ORC4: variants seen among roughly 807,000 people sequenced by gnomAD.
ORC4 encodes the protein origin recognition complex, subunit 4 homolog.
In ORC4, 55 loss-of-function variants were observed where a neutral mutation model predicts 63.9. That is an observed-to-expected ratio of 0.86 (90% CI 0.69 to 1.08). ORC4 has a LOEUF of 1.08. Among genes scored for constraint, ORC4 ranks in the 50% least tolerant of loss-of-function variants. ORC4 has a pLI of 0.00. For missense variants in ORC4, 511 were observed against 504.4 expected, an observed-to-expected ratio of 1.01 and a Z score of -0.13; for synonymous variants, 150 against 168.5, an observed-to-expected ratio of 0.89 and a Z score of 0.85.
At chr2:147,959,352 C>T (rs938722337) in intron 4 of ORC4, among the ~76,000 whole-genome samples, 6 of 141,718 alleles carry the variant, frequency 4.2e-5, no homozygotes, top group African/African-American at 1.5e-4. Flanking sequence ...TTCATATTAC[C>T]AATGCATTCT....
rs139554215 is a variant in ORC4 at position 147,989,071 on chromosome 2, A to G, written c.-17-13096T>C. On this transcript the variant is annotated intron_variant, in intron 1 of 13. Coordinates refer to ENST00000392857, the MANE Select transcript of ORC4 (RefSeq NM_181741.4). ...AAGAAGTTGAGGCAAAATTAATAAC[A>G]TACATAGAGAGTTCATTTGAGCCAA... Among the ~76,000 whole-genome samples the G allele has an allele frequency of 4.5e-3, 689 of 152,370 alleles. 12 individuals are homozygous for G. The highest frequency in any genetic ancestry group is 0.03 in the Admixed American group (461 of 15,308).
intron 1 of ORC4, among the ~76,000 whole-genome samples, chr2:147,989,574 C>T (rs1691448051): frequency 6.6e-6 from 1 of 151,988 alleles, no homozygotes; most frequent in African/African-American, 2.4e-5. Flanking sequence ...GGTGTGGTGG[C>T]ACGTGCCTGT....
chr2:148,009,054 G>A lies in ORC4; in HGVS notation c.-18+11579C>T, dbSNP rs563748605. 3.9e-4 allele frequency among the ~76,000 whole-genome samples: 59 copies of A among 152,186 alleles called. No individual in the cohort carries two copies. In the South Asian group the frequency reaches 3.9e-3, roughly 10 times the overall value. ...TACAGGTTTTTAGTTTTTTCTGTGCGTGTATTTTTTCTTTTCTTTGCAATC... is the reference window on the plus strand; with the variant it reads ...TACAGGTTTTTAGTTTTTTCTGTGCATGTATTTTTTCTTTTCTTTGCAATC... On this transcript the variant is annotated intron_variant, in intron 1 of 13. Coordinates refer to ENST00000392857, the MANE Select transcript of ORC4 (RefSeq NM_181741.4).
chr2:147,981,804 C>A (rs955158085), intron 1 of ORC4: 7 of 152,136 alleles, frequency 4.6e-5, no homozygotes, highest in Middle Eastern at 3.4e-3. Context: ...GAAATTGTTA[C>A]GTATTTAGCA....
chr2:147,978,333 G>A (rs2105363067), intron 1 of ORC4, among the ~76,000 whole-genome samples: 1 of 152,334 alleles, frequency 6.6e-6, no homozygotes, highest in Middle Eastern at 3.4e-3. Flanking sequence ...TTCAGCATAT[G>A]CTATGGGACA....
chr2:147,958,580 A>C (rs1302704728), intron 5 of ORC4, 197 bp from the exon 6 acceptor site: 1 of 583,192 alleles, frequency 1.7e-6, no homozygotes, highest in Non-Finnish European at 3.0e-6. Context: ...TAAAAAAAAA[A>C]AAACCAAAAA....
At chr2:147,954,770 T>G (rs1689149907) in intron 7 of ORC4, among the ~76,000 whole-genome samples, 1 of 152,142 alleles carries the variant, frequency 6.6e-6, no homozygotes, top group African/African-American at 2.4e-5. Context: ...TTTTCTATTA[T>G]ATGGGCAAAC....
chr2:147,936,192 A>G (rs1688040224), intron 13 of ORC4: 1 of 167,238 alleles, frequency 6.0e-6, no homozygotes, highest in Non-Finnish European at 1.3e-5. Flanking sequence ...TCAACTAGAC[A>G]TATTCAGCTG....
intron 1 of ORC4, among the ~76,000 whole-genome samples, chr2:147,996,158 G>A (rs1002882860): frequency 4.6e-5 from 7 of 152,060 alleles, no homozygotes; most frequent in African/African-American, 1.4e-4. Flanking sequence ...TCAAAAATTA[G>A]CTGGGCATGG....
Position 147,998,082 on chromosome 2 carries a change from G to A in ORC4, c.-17-22107C>T, listed in dbSNP as rs191274336. On this transcript the variant is annotated intron_variant, in intron 1 of 13. Coordinates refer to ENST00000392857, the MANE Select transcript of ORC4 (RefSeq NM_181741.4). ...TTACTCATTATAAAGTAAGTTGACTGAGACATAAACAAACCATACAAGTGG... is the reference window on the plus strand; with the variant it reads ...TTACTCATTATAAAGTAAGTTGACTAAGACATAAACAAACCATACAAGTGG... 4.6e-5 allele frequency among the ~76,000 whole-genome samples: 7 copies of A among 152,280 alleles called. No individual in the cohort carries two copies. The East Asian group carries it at 1.4e-3, about 29-fold the overall frequency.
chr2:147,944,617 A>AG (rs1016692806), intron 9 of ORC4, among the ~76,000 whole-genome samples: 13 of 151,832 alleles, frequency 8.6e-5, no homozygotes, highest in Non-Finnish European at 1.6e-4. Context: ...GAGTAAATTC[A>AG]GAAGTAGCAG....
At chr2:148,019,462 C>T (rs561727008) in intron 1 of ORC4, among the ~76,000 whole-genome samples, 1 of 152,224 alleles carries the variant, frequency 6.6e-6, no homozygotes, top group East Asian at 1.9e-4. Context: ...CGTGGTGGCA[C>T]ATGCCTGTAG....
At chr2:147,959,997 A>G (rs1689495853) in intron 4 of ORC4, among the ~76,000 whole-genome samples, 1 of 151,986 alleles carries the variant, frequency 6.6e-6, no homozygotes, top group African/African-American at 2.4e-5. Flanking sequence ...AAAATTTTTT[A>G]TTTTTTATTT....
intron 1 of ORC4, among the ~76,000 whole-genome samples, chr2:148,013,112 A>T (rs1371157730): frequency 1.3e-5 from 2 of 152,218 alleles, no homozygotes; most frequent in Admixed American, 6.5e-5. Context: ...GGAAATCAGT[A>T]TATAAAAGGT....
chr2:147,942,242 A>G (rs1481406786), intron 10 of ORC4, among the ~76,000 whole-genome samples: 4 of 152,110 alleles, frequency 2.6e-5, no homozygotes, highest in African/African-American at 9.7e-5. Context: ...TTTCTATGAA[A>G]CCAAAACTAT....
chr2:147,963,888 T>C (rs560099321), intron 4 of ORC4, among the ~76,000 whole-genome samples: 2 of 152,246 alleles, frequency 1.3e-5, no homozygotes, highest in East Asian at 3.9e-4. Flanking sequence ...ACCACACTAC[T>C]GTATCCAACT....
chr2:147,981,082 T>C (rs1237781116), intron 1 of ORC4, among the ~76,000 whole-genome samples: 1 of 152,140 alleles, frequency 6.6e-6, no homozygotes, highest in South Asian at 2.1e-4. Context: ...ATAGATGCAT[T>C]TGGGAGATAT....
intron 4 of ORC4, among the ~76,000 whole-genome samples, chr2:147,969,898 A>G (rs780589627): frequency 2.0e-5 from 3 of 152,020 alleles, no homozygotes; most frequent in African/African-American, 7.2e-5. Context: ...AAGTATGGAG[A>G]TAGGGAAGGA....
intron 1 of ORC4, among the ~76,000 whole-genome samples, chr2:147,997,306 A>G (rs995445857): frequency 6.6e-6 from 1 of 152,180 alleles, no homozygotes; most frequent in Non-Finnish European, 1.5e-5. Flanking sequence ...ATTATTCTGA[A>G]TGATACTGTA....
Sources: allele counts gnomAD v4.1 joint callset (sites outside exome capture counted in the v4.1 genomes callset), GRCh38; gene constraint gnomAD v4.1.1; transcripts MANE v1.5; gene names NCBI Gene and HGNC (gene_info 2026-07-23, HGNC 2026-07-21).